Variants in AEBP2 observed in about 807,000 individuals in gnomAD.
AEBP2 encodes zinc finger protein AEBP2.
Under a neutral mutation model 50.8 loss-of-function variants are expected in AEBP2, and 10 were observed. The observed-to-expected ratio is 0.20, with a 90% CI of 0.12 to 0.33. AEBP2 has a LOEUF of 0.33. Ranked by LOEUF, AEBP2 falls within the 10% of genes least tolerant of loss-of-function variation. The pLI, the probability that AEBP2 is intolerant of heterozygous loss-of-function variation, is 1.00. For synonymous variants in AEBP2, 296 were observed against 261.3 expected (o/e 1.13, Z -1.28); for missense variants, 570 against 688.0 (o/e 0.83, Z 1.92).
chr12:19,467,889 C>T (rs1354805943), intron 2 of AEBP2, among the ~76,000 whole-genome samples: 1 of 151,678 alleles, frequency 6.6e-6, no homozygotes, highest in African/African-American at 2.4e-5. Context: ...TGTTGAGAGG[C>T]AAAGCGAGGA....
At chr12:19,457,126 A>G (rs1195359249) in intron 1 of AEBP2, 5 of 1,599,090 alleles carry the variant, frequency 3.1e-6, no homozygotes, top group South Asian at 1.1e-5. Context: ...TTCCTTAACA[A>G]TTTCCTCATA....
chr12:19,444,072 CT>C (rs901030532), intron 1 of AEBP2, among the ~76,000 whole-genome samples: 5 of 152,024 alleles, frequency 3.3e-5, no homozygotes, highest in African/African-American at 4.8e-5. Flanking sequence ...TTACTCTGAA[CT>C]TTTTTTCTCT....
chr12:19,516,393 G>C (rs906504647), intron 7 of AEBP2, among the ~76,000 whole-genome samples: 1 of 152,122 alleles, frequency 6.6e-6, no homozygotes, highest in Non-Finnish European at 1.5e-5. Context: ...ACCTCTCTTA[G>C]AGAGTTGTCA....
chr12:19,500,240 T>G lies in AEBP2; in HGVS notation c.1299+19T>G. ...TAGTACTGTAAGTATTCTTTTATTTTTTCAAATTAAATATAAAACTTTGCA... is the reference window on the plus strand; with the variant it reads ...TAGTACTGTAAGTATTCTTTTATTTGTTCAAATTAAATATAAAACTTTGCA... On this transcript the variant is annotated intron_variant, in intron 5 of 7. Transcript: ENST00000266508. The G allele has an allele frequency of 7.0e-7, 1 of 1,432,724 alleles. No homozygotes were observed. The highest frequency in any genetic ancestry group is 9.2e-7 in the Non-Finnish European group (1 of 1,084,990). 88.8% of individuals were successfully genotyped at this position (1,432,724 alleles called of 1,614,324 possible).
intron 4 of AEBP2, among the ~76,000 whole-genome samples, 178 bp from the exon 5 acceptor site, chr12:19,499,919 G>T (rs552969860): frequency 1.1e-4 from 16 of 152,150 alleles, no homozygotes; most frequent in African/African-American, 3.6e-4. Context: ...TCACTCATTT[G>T]TTGAAATAAT....
chr12:19,440,505 C>T, intron 1 of AEBP2, 135 bp downstream of exon 1: 1 of 1,402,374 alleles, frequency 7.1e-7, no homozygotes, highest in Non-Finnish European at 9.3e-7. Flanking sequence ...ACTCTCAACT[C>T]GGAAATCTCT....
At chr12:19,481,012 C>G (rs146614100) in intron 3 of AEBP2, among the ~76,000 whole-genome samples, 1 of 146,716 alleles carries the variant, frequency 6.8e-6, no homozygotes, top group African/African-American at 2.5e-5. Flanking sequence ...TTGTCTTTGT[C>G]TGATTGGGTT....
chr12:19,417,163 C>T (rs185595869), intron 1 of AEBP2, among the ~76,000 whole-genome samples: 6 of 151,772 alleles, frequency 4.0e-5, no homozygotes, highest in South Asian at 2.1e-4. Context: ...TAAACCACTG[C>T]GCCCGGCCCC....
intron 1 of AEBP2, among the ~76,000 whole-genome samples, chr12:19,442,299 T>A (rs1267143999): frequency 1.3e-5 from 2 of 152,012 alleles, no homozygotes; most frequent in Non-Finnish European, 2.9e-5. Context: ...TCCCAGCTAC[T>A]CGGGAGGCTG....
At chr12:19,446,365 A>G (rs925958514) in intron 1 of AEBP2, among the ~76,000 whole-genome samples, 3 of 152,164 alleles carry the variant, frequency 2.0e-5, no homozygotes, top group Non-Finnish European at 4.4e-5. Context: ...TCATCCCTGC[A>G]CTTTGGAAGG....
chr12:19,437,920 G>T (rs1165002905), upstream of AEBP2, among the ~76,000 whole-genome samples: 14 of 152,204 alleles, frequency 9.2e-5, no homozygotes, highest in Admixed American at 9.2e-4. Flanking sequence ...TGGAGGCTCT[G>T]TTTTCAGGCA....
chr12:19,456,980 T>C, intron 1 of AEBP2: 1 of 1,579,264 alleles, frequency 6.3e-7, no homozygotes, highest in Non-Finnish European at 8.7e-7. Flanking sequence ...TTGCCATCCT[T>C]ACAGGAGGAT....
chr12:19,496,651 T>G (rs920663861), intron 4 of AEBP2, among the ~76,000 whole-genome samples: 1 of 148,180 alleles, frequency 6.7e-6, no homozygotes, highest in Non-Finnish European at 1.5e-5. Flanking sequence ...ATAAAATTTG[T>G]TTTTTTTTTA....
intron 1 of AEBP2, among the ~76,000 whole-genome samples, chr12:19,416,107 G>C (rs1404673153): frequency 6.6e-6 from 1 of 152,174 alleles, no homozygotes; most frequent in African/African-American, 2.4e-5. Flanking sequence ...ACTTGAATCT[G>C]AGAGGTCAAG....
At chr12:19,510,928 A>T (rs1396346986) in intron 5 of AEBP2, among the ~76,000 whole-genome samples, 2 of 122,612 alleles carry the variant, frequency 1.6e-5, no homozygotes, top group Non-Finnish European at 3.1e-5. Flanking sequence ...TGGCGCAGTC[A>T]CAGCTCCTGG....
At chr12:19,464,407 A>G (rs190565624) in intron 2 of AEBP2, among the ~76,000 whole-genome samples, 1 of 152,176 alleles carries the variant, frequency 6.6e-6, no homozygotes, top group Admixed American at 6.5e-5. Context: ...GCTATTTGGA[A>G]GATCACTGGG....
rs1169442232 is a variant in AEBP2 at position 19,496,545 on chromosome 12, A to G, written c.1174+2559A>G. 5.3e-5 allele frequency among the ~76,000 whole-genome samples: 8 copies of G among 152,170 alleles called. No homozygotes were observed. The East Asian group carries it at 1.5e-3, about 29-fold the overall frequency. ...TCTGTAGCAGTTAACTTTACCTAGT[A>G]TCTTCCTCATGTAATTCAAGAAGAC... On this transcript the variant is annotated intron_variant, in intron 4 of 7. Coordinates refer to ENST00000266508, the MANE Select transcript of AEBP2 (RefSeq NM_153207.5).
chr12:19,433,249 G>A (rs2095752357), intron 1 of AEBP2, among the ~76,000 whole-genome samples: 1 of 151,984 alleles, frequency 6.6e-6, no homozygotes, highest in Non-Finnish European at 1.5e-5. Flanking sequence ...TGAGTCAGGT[G>A]TGGTGGCGCA....
intron 1 of AEBP2, among the ~76,000 whole-genome samples, chr12:19,415,554 T>C (rs2095742055): frequency 6.6e-6 from 1 of 151,148 alleles, no homozygotes; most frequent in African/African-American, 2.4e-5. Context: ...ACATGATGAA[T>C]GTTAGAAATC....
Sources: allele counts gnomAD v4.1 joint callset (sites outside exome capture counted in the v4.1 genomes callset), GRCh38; gene constraint gnomAD v4.1.1; transcripts MANE v1.5; gene names NCBI Gene and HGNC (gene_info 2026-07-23, HGNC 2026-07-21).